CDH3: variants seen among roughly 807,000 people sequenced by gnomAD.
CDH3 encodes cadherin-3.
Under a neutral mutation model 82.0 loss-of-function variants are expected in CDH3, and 54 were observed. The ratio of observed to expected loss-of-function variants is 0.66; its 90% CI spans 0.53 to 0.83. The LOEUF is 0.83. Ranked by LOEUF, CDH3 falls within the 40% of genes least tolerant of loss-of-function variation. The pLI, the probability that CDH3 is intolerant of heterozygous loss-of-function variation, is 0.00. For synonymous variants in CDH3, 446 were observed against 437.9 expected (o/e 1.02, Z -0.23); for missense variants, 1,054 against 1,084.6 (o/e 0.97, Z 0.40).
At position 68,691,722 on chromosome 16, in the gene CDH3, G is replaced by C. The variant is rs1328711975; in HGVS notation, c.1798G>C (p.Asp600His). Residue 600 changes from aspartate to histidine, a missense_variant and splice_region_variant, in exon 13 of 16, where the codon GAC becomes CAC. Asp to His is a moderately conservative substitution (Grantham distance 81, BLOSUM62 -1). Transcript: ENST00000264012. ...AATCAATGATCTGTTCACTCCAGGT[G>C]ACACAGTGGTCTTGTCCCTGAAGAA... is the stretch of plus-strand genomic sequence containing the variant. ...YWTAEVNEEGDTVVLSLKKFL... is the reference protein window; with the variant it reads ...YWTAEVNEEGHTVVLSLKKFL... The C allele has an allele frequency of 6.2e-7, 1 of 1,612,752 alleles. No homozygotes were observed. Among genetic ancestry groups the C allele is most frequent in the Non-Finnish European group, 8.5e-7 (1 of 1,178,792 alleles).
intron 2 of CDH3, among the ~76,000 whole-genome samples, chr16:68,671,521 CTTT>C (rs34475405): frequency 0.23 from 27,641 of 121,628 alleles, 2,878 homozygotes; most frequent in Admixed American, 0.3. Context: ...TTCATTTTAC[CTTT>C]TTTTTTTTTT....
Position 68,707,596 on chromosome 16 carries a change from G to T in CDH3, c.99+11673G>T, listed in dbSNP as rs1260287840. 1.3e-5 allele frequency among the ~76,000 whole-genome samples: 2 copies of T among 152,180 alleles called. No individual in the cohort carries two copies. The highest frequency in any genetic ancestry group is 4.8e-5 in the African/African-American group (2 of 41,442). ...GTGGCTAAGACAGCAGCCCCTAAAG[G>T]CTGCAGATGTGGGAGTGACTCACCA... On this transcript the variant is annotated intron_variant, in intron 1 of 2. Coordinates refer to the CDH3 transcript ENST00000569080. The surrounding 1 kb of genome is among the most constrained non-coding windows in gnomAD (Gnocchi z 4.5).
chr16:68,705,699 G>T (rs1961952526), intron 1 of CDH3, among the ~76,000 whole-genome samples: 1 of 151,428 alleles, frequency 6.6e-6, no homozygotes, highest in Non-Finnish European at 1.5e-5. Context: ...TGGGATTACA[G>T]GCGTGAGCCG....
chr16:68,662,061 GT>G (rs1960596357), intron 2 of CDH3, among the ~76,000 whole-genome samples: 1 of 152,208 alleles, frequency 6.6e-6, no homozygotes. Context: ...AGCCAGAAGG[GT>G]TTTTCACTGG....
intron 12 of CDH3, 130 bp from the exon 13 acceptor site, chr16:68,691,590 A>G: frequency 1.3e-6 from 1 of 755,996 alleles, no homozygotes; most frequent in Non-Finnish European, 2.4e-6. Flanking sequence ...GCTATTTTCC[A>G]AAGTGTGCTT....
chr16:68,719,619 C>A (rs2152111090), intron 1 of CDH3, among the ~76,000 whole-genome samples: 1 of 148,386 alleles, frequency 6.7e-6, no homozygotes. Context: ...GCAAAATTCT[C>A]CTGCCTCAGC....
At chr16:68,731,455 TATACACATATATATATACACACACAC>T (rs767526231), downstream of CDH3, among the ~76,000 whole-genome samples, 28,766 of 57,532 alleles carry the variant, frequency 0.5, 8,997 homozygotes, top group Non-Finnish European at 0.55. Context: ...CACACACGTA[TATACACATATATATATACACACACAC>T]GTATATACAC....
In CDH3 at chr16:68,723,912, A is replaced by G. The variant is rs947765681; in HGVS notation, c.*45+1296A>G. On this transcript the variant is annotated intron_variant, in intron 2 of 2. Coordinates refer to the CDH3 transcript ENST00000569080. ...GTGAAACCCCGTCTCTACTAAAAAT[A>G]CAAAAAATTAGCCGGGCATAGTGGC... is the stretch of plus-strand genomic sequence containing the variant. Among the ~76,000 whole-genome samples, 3 of 152,282 alleles carry G rather than the reference A, an allele frequency of 2.0e-5. No individual in the cohort carries two copies. The East Asian group carries it at 5.8e-4, about 29-fold the overall frequency.
chr16:68,684,918 T>G (rs1422492994), intron 10 of CDH3, 94 bp downstream of exon 10: 6 of 1,488,332 alleles, frequency 4.0e-6, no homozygotes, highest in Middle Eastern at 1.9e-4. Context: ...CCATAGAGAT[T>G]GTTAAATAGG....
chr16:68,726,714 GA>G (rs1283429851), intron 2 of CDH3, among the ~76,000 whole-genome samples: 3 of 151,880 alleles, frequency 2.0e-5, no homozygotes, highest in African/African-American at 7.3e-5. Flanking sequence ...GAGTAGCTGG[GA>G]CTACAGGCGC....
chr16:68,694,312 CAAAAAAAAAA>C (rs1162877121), intron 13 of CDH3, among the ~76,000 whole-genome samples: 1 of 74,718 alleles, frequency 1.3e-5, no homozygotes, highest in Non-Finnish European at 2.5e-5. Context: ...GACTCCCTCT[CAAAAAAAAAA>C]AAAAAAAAAA....
intron 2 of CDH3, among the ~76,000 whole-genome samples, chr16:68,723,963 G>A (rs574815091): frequency 6.8e-4 from 103 of 152,052 alleles, no homozygotes; most frequent in Middle Eastern, 6.8e-3. Context: ...CAGCTACTTG[G>A]GAGGCTGAGG....
chr16:68,683,779 T>C (rs1414342782), intron 9 of CDH3, among the ~76,000 whole-genome samples: 1 of 147,288 alleles, frequency 6.8e-6, no homozygotes, highest in Admixed American at 6.8e-5. Flanking sequence ...TATAAAAAAT[T>C]CGCTGGGGCC....
rs1961820374 is a variant in CDH3, at chr16:68,698,591, G to GT, written c.*194dup. 8 of 607,524 alleles carry GT rather than the reference G, an allele frequency of 1.3e-5. No homozygotes were observed. In the East Asian group the frequency reaches 2.2e-4, roughly 17 times the overall value. The allele number at this position is 607,524 out of a possible 1,614,324, so 37.6% of individuals were successfully genotyped here. A position where few individuals can be genotyped will look rare whatever the true frequency, so the allele number is the denominator to read the frequency against. On this transcript the variant is annotated 3_prime_UTR_variant, in exon 16 of 16. Coordinates refer to ENST00000264012, the MANE Select transcript of CDH3 (RefSeq NM_001793.6). ...CTTTCAGGATGGAGGAATGTGGGCA[G>GT]TTTGACTTCAGCACTGAAAACCTCT...
intron 2 of CDH3, among the ~76,000 whole-genome samples, chr16:68,654,713 AATAT>A (rs1555504519): frequency 5.0e-3 from 452 of 91,108 alleles, no homozygotes; most frequent in Middle Eastern, 0.043. Flanking sequence ...AAAAAAAAAA[AATAT>A]ATATATATAT....
chr16:68,703,896 G>A (rs182455535), downstream of CDH3, among the ~76,000 whole-genome samples: 2,470 of 152,212 alleles, frequency 0.016, 42 homozygotes, highest in Middle Eastern at 0.017. Flanking sequence ...GCAGTGAGCC[G>A]AGATCGTGCC....
chr16:68,723,364 C>T (rs1281199506), intron 2 of CDH3, among the ~76,000 whole-genome samples: 1 of 150,348 alleles, frequency 6.7e-6, no homozygotes, highest in Non-Finnish European at 1.5e-5. Context: ...TACTGAAAAG[C>T]AATAAACAGC....
At chr16:68,691,315 T>C (rs1284387169) in intron 12 of CDH3, among the ~76,000 whole-genome samples, 2 of 152,132 alleles carry the variant, frequency 1.3e-5, no homozygotes, top group East Asian at 3.9e-4. Context: ...TCCTTTACTT[T>C]CTTAATAAAG....
At chr16:68,730,281 C>T (rs1457409264), downstream of CDH3, among the ~76,000 whole-genome samples, 1 of 148,544 alleles carries the variant, frequency 6.7e-6, no homozygotes, top group Non-Finnish European at 1.5e-5. Flanking sequence ...AATCCCAGCA[C>T]TTTGGGAGGC....
Sources: gnomAD v4.1 joint callset for allele counts (sites outside exome capture counted in the v4.1 genomes callset) on GRCh38, gnomAD v4.1.1 for gene constraint, Gnocchi (gnomAD v3.1) non-coding constraint, MANE v1.5 for transcripts, NCBI Gene and HGNC (gene_info 2026-07-23, HGNC 2026-07-21) for gene names.